PLCL2: variants seen among roughly 807,000 people sequenced by gnomAD.
PLCL2 encodes inactive phospholipase C-like protein 2.
In PLCL2, 4 loss-of-function variants were observed where a neutral mutation model predicts 79.6. That is an observed-to-expected ratio of 0.05 (90% CI 0.02 to 0.11). PLCL2 has a LOEUF of 0.11. Among genes scored for constraint, PLCL2 ranks in the 10% least tolerant of loss-of-function variants. PLCL2 has a pLI of 1.00. For synonymous variants in PLCL2, 484 were observed against 457.7 expected, an observed-to-expected ratio of 1.06 and a Z score of -0.73; for missense variants, 895 against 1,291.0, an observed-to-expected ratio of 0.69 and a Z score of 4.70.
At chr3:16,913,378 CT>C (rs1391748406) in intron 1 of PLCL2, among the ~76,000 whole-genome samples, 2 of 151,030 alleles carry the variant, frequency 1.3e-5, no homozygotes, top group East Asian at 3.9e-4. Context: ...TAGTAAGACT[CT>C]TCTGTGGGTT....
At chr3:16,961,856 G>A (rs548530204) in intron 1 of PLCL2, among the ~76,000 whole-genome samples, 1 of 152,318 alleles carries the variant, frequency 6.6e-6, no homozygotes, top group South Asian at 2.1e-4. Context: ...CAAAGGCGGT[G>A]AGGGGAAAGG....
At chr3:17,055,610 C>T (rs2064884259) in intron 4 of PLCL2, among the ~76,000 whole-genome samples, 1 of 152,172 alleles carries the variant, frequency 6.6e-6, no homozygotes, top group South Asian at 2.1e-4. Context: ...TGTTATTTTT[C>T]ATACGTGTGA....
intron 4 of PLCL2, among the ~76,000 whole-genome samples, chr3:17,059,286 T>C (rs1225589658): frequency 6.7e-6 from 1 of 149,886 alleles, no homozygotes; most frequent in Non-Finnish European, 1.5e-5. Context: ...GGCTGAGGCA[T>C]GAGAATCACT....
rs117470946 is a variant in PLCL2 at position 17,027,737 on chromosome 3, G to A, written c.3018+12826G>A. On this transcript the variant is annotated intron_variant, in intron 3 of 5. Coordinates refer to ENST00000615277, the MANE Select transcript of PLCL2 (RefSeq NM_001144382.2). ...ATGGGATTCTAATCGTTAACCTGGA[G>A]GAAGGAGGAGACTGTTATCGTTGCC... Among the ~76,000 whole-genome samples, 87 of 152,222 alleles carry A rather than the reference G, an allele frequency of 5.7e-4. No homozygotes were observed. The East Asian group carries it at 0.015, about 27-fold the overall frequency.
intron 1 of PLCL2, among the ~76,000 whole-genome samples, chr3:16,893,723 A>T (rs2124915909): frequency 6.6e-6 from 1 of 152,350 alleles, no homozygotes; most frequent in South Asian, 2.1e-4. Flanking sequence ...ATAGAACAAG[A>T]TGTGGTCTTC....
intron 1 of PLCL2, among the ~76,000 whole-genome samples, chr3:16,988,276 G>C (rs570399348): frequency 3.9e-5 from 6 of 152,232 alleles, no homozygotes; most frequent in Non-Finnish European, 2.9e-5. Context: ...TTTGGTCGGG[G>C]TATATTTAGA....
rs183823429 is a variant in PLCL2, at chr3:17,046,055, G to A, written c.3094+3106G>A. On this transcript the variant is annotated intron_variant, in intron 4 of 5. Coordinates refer to ENST00000615277, the MANE Select transcript of PLCL2 (RefSeq NM_001144382.2). ...CTGATTAAATATCAGATCCTGCAGG[G>A]GTGATATGGGATGCGTGAGTCTGGG... Among the ~76,000 whole-genome samples, 113 of 152,212 alleles carry A rather than the reference G, an allele frequency of 7.4e-4. 1 individual carries two copies. The highest frequency in any genetic ancestry group is 3.3e-3 in the South Asian group (16 of 4,816).
chr3:17,009,052 T>C lies in PLCL2; in HGVS notation c.328-622T>C, dbSNP rs1575584172. On this transcript the variant is annotated intron_variant, in intron 1 of 5. Transcript: ENST00000615277. The surrounding 1 kb of genome is among the most constrained non-coding windows in gnomAD (Gnocchi z 4.0). Reference sequence around the variant, plus strand: ...CAGGCTGGAGTGCAGTGACACAATCTCAGCTCACTGCAACCTTTGCCTCAC... The same window carrying C: ...CAGGCTGGAGTGCAGTGACACAATCCCAGCTCACTGCAACCTTTGCCTCAC... Among the ~76,000 whole-genome samples, 1 of 151,772 alleles carries C rather than the reference T, an allele frequency of 6.6e-6. No homozygotes were observed. Among genetic ancestry groups the C allele is most frequent in the East Asian group, 1.9e-4 (1 of 5,154 alleles).
At position 16,988,164 on chromosome 3, in the gene PLCL2, T is replaced by C. The variant is rs527422602; in HGVS notation, c.328-21510T>C. On this transcript the variant is annotated intron_variant, in intron 1 of 5. Transcript: ENST00000615277. ...AGTGTCTCCGCTCTGCACAACTGTATTGGAATTGGTTGAATAACTCAGTTC... is the reference window on the plus strand; with the variant it reads ...AGTGTCTCCGCTCTGCACAACTGTACTGGAATTGGTTGAATAACTCAGTTC... Among the ~76,000 whole-genome samples the C allele has an allele frequency of 3.2e-3, 493 of 152,288 alleles. 7 individuals are homozygous for C. Among genetic ancestry groups the C allele is most frequent in the African/African-American group, 0.011 (454 of 41,542 alleles).
intron 1 of PLCL2, among the ~76,000 whole-genome samples, chr3:16,890,557 C>G (rs1696322376): frequency 6.6e-6 from 1 of 152,168 alleles, no homozygotes; most frequent in Admixed American, 6.5e-5. Context: ...AGACTTTATA[C>G]TTATGTGTTC....
chr3:16,963,049 A>C (rs562611979), intron 1 of PLCL2, among the ~76,000 whole-genome samples: 1 of 152,134 alleles, frequency 6.6e-6, no homozygotes, highest in Non-Finnish European at 1.5e-5. Context: ...TTTTTCAACC[A>C]TGAAAAGCAG....
chr3:17,025,037 C>A (rs549012106), intron 3 of PLCL2, among the ~76,000 whole-genome samples: 22 of 152,310 alleles, frequency 1.4e-4, no homozygotes, highest in East Asian at 7.7e-4. Flanking sequence ...GGATATACAC[C>A]TTTACTGTTG....
At chr3:16,926,690 G>A (rs1165511063) in intron 1 of PLCL2, among the ~76,000 whole-genome samples, 1 of 151,154 alleles carries the variant, frequency 6.6e-6, no homozygotes, top group East Asian at 1.9e-4. Context: ...GGAGTGCAGT[G>A]GTGCAATCTT....
intron 1 of PLCL2, among the ~76,000 whole-genome samples, chr3:16,963,019 G>C (rs115963175): frequency 6.6e-6 from 1 of 152,054 alleles, no homozygotes; most frequent in East Asian, 1.9e-4. Context: ...TAGTATATTG[G>C]GTAGATGTAG....
intron 4 of PLCL2, 80 bp downstream of exon 4, chr3:17,043,029 G>T: frequency 1.1e-6 from 1 of 887,138 alleles, no homozygotes; most frequent in Non-Finnish European, 1.9e-6. Flanking sequence ...TCATTTTTTG[G>T]ATGCTATATC....
At position 16,983,644 on chromosome 3, in the gene PLCL2, A is replaced by C. The variant is rs190714880; in HGVS notation, c.328-26030A>C. On this transcript the variant is annotated intron_variant, in intron 1 of 5. Transcript: ENST00000615277. ...GAGAAGAAAACTCTGTCTCAAAAAA[A>C]CAAAAAAAGAACTCTGCTCTAACTC... is the stretch of plus-strand genomic sequence containing the variant. 2.0e-3 allele frequency among the ~76,000 whole-genome samples: 300 copies of C among 152,322 alleles called. 1 individual carries two copies. Among genetic ancestry groups the C allele is most frequent in the Non-Finnish European group, 2.8e-3 (193 of 68,022 alleles).
At chr3:17,078,770 T>G (rs897630275) in intron 5 of PLCL2, among the ~76,000 whole-genome samples, 1 of 152,216 alleles carries the variant, frequency 6.6e-6, no homozygotes, top group Non-Finnish European at 1.5e-5. Context: ...TTTGTTTCCT[T>G]TTTGAAATTA....
chr3:16,914,992 A>T (rs1696961044), intron 1 of PLCL2, among the ~76,000 whole-genome samples: 1 of 152,204 alleles, frequency 6.6e-6, no homozygotes, highest in Non-Finnish European at 1.5e-5. Context: ...TCAGCTACCC[A>T]AAGTGCTGGG....
intron 1 of PLCL2, among the ~76,000 whole-genome samples, chr3:16,971,791 A>G (rs1192913534): frequency 6.6e-6 from 1 of 151,908 alleles, no homozygotes; most frequent in East Asian, 1.9e-4. Flanking sequence ...ATTCCTAGGT[A>G]TTTTATTCTC....
Sources: allele counts gnomAD v4.1 joint callset (sites outside exome capture counted in the v4.1 genomes callset), GRCh38; gene constraint gnomAD v4.1.1; non-coding constraint Gnocchi (gnomAD v3.1); transcripts MANE v1.5; gene names NCBI Gene and HGNC (gene_info 2026-07-23, HGNC 2026-07-21).